ITPR3: variants seen among roughly 807,000 people sequenced by gnomAD.
ITPR3 encodes inositol 1,4,5-trisphosphate-gated calcium channel ITPR3.
In ITPR3, 173 loss-of-function variants were observed where a neutral mutation model predicts 293.2. The ratio of observed to expected loss-of-function variants is 0.59; its 90% CI spans 0.52 to 0.67. ITPR3 has a LOEUF of 0.67. ITPR3 is among the 30% of genes least tolerant of loss of function. ITPR3 has a pLI of 0.00. For synonymous variants in ITPR3, 1,295 were observed against 1,444.4 expected, an observed-to-expected ratio of 0.90 and a Z score of 2.35; for missense variants, 2,796 against 3,592.1, an observed-to-expected ratio of 0.78 and a Z score of 5.66.
At chr6:33,622,525 T>C (rs1442226021) in intron 1 of ITPR3, among the ~76,000 whole-genome samples, 1 of 152,000 alleles carries the variant, frequency 6.6e-6, no homozygotes, top group Non-Finnish European at 1.5e-5. Context: ...GTAGGTGGTT[T>C]CTCCAGCCAG....
Position 33,675,978 on chromosome 6 carries a change from T to G in ITPR3, c.3282+122T>G, listed in dbSNP as rs7747992. 8.3e-7 allele frequency: 1 copy of G among 1,205,218 alleles called. No individual in the cohort carries two copies. The highest frequency in any genetic ancestry group is 1.1e-6 in the Non-Finnish European group (1 of 890,218). The allele number at this position is 1,205,218 out of a possible 1,614,324, so 74.7% of individuals were successfully genotyped here. On this transcript the variant is annotated intron_variant, in intron 25 of 57. Transcript: ENST00000605930. This position sits in a 1 kb window ranked among gnomAD's most constrained non-coding sequence, Gnocchi z 5.0. ...AACTTGGGATGCCCATTTGGGGTTT[T>G]CAGCCTTGCTGAGTTCCTAGGTGAA...
chr6:33,627,845 G>A (rs1056070725), intron 1 of ITPR3, among the ~76,000 whole-genome samples: 1 of 152,236 alleles, frequency 6.6e-6, no homozygotes, highest in African/African-American at 2.4e-5. Flanking sequence ...GGCAGTGCGA[G>A]GATGTGATGG....
At position 33,683,276 on chromosome 6, in the gene ITPR3, C is replaced by A; in HGVS notation, c.4667C>A (p.Ala1556Asp). The part of the protein sequence containing the change: ...AHISSMLSSG[A>D]SCAAAAQRNA... Reference sequence around the variant, plus strand: ...ATCAGCTCGATGCTCAGCAGTGGAGCCAGCTGTGCAGCTGCCGCCCAGCGG... The same window carrying A: ...ATCAGCTCGATGCTCAGCAGTGGAGACAGCTGTGCAGCTGCCGCCCAGCGG... The change falls in exon 35 of 58, where the codon GCC (alanine) becomes GAC (aspartate). Residue 1556 changes from alanine (A) to aspartate (D), a missense_variant. By Grantham distance (126) the Ala-to-Asp change is moderately radical (BLOSUM62 -2). Coordinates refer to ENST00000605930, the MANE Select transcript of ITPR3 (RefSeq NM_002224.4). This position sits in a 1 kb window ranked among gnomAD's most constrained non-coding sequence, Gnocchi z 4.5. The A allele has an allele frequency of 1.9e-6, 3 of 1,573,536 alleles. No individual in the cohort carries two copies. Among genetic ancestry groups the A allele is most frequent in the Non-Finnish European group, 1.7e-6 (2 of 1,159,700 alleles).
intron 2 of ITPR3, among the ~76,000 whole-genome samples, chr6:33,647,685 TTC>T (rs1764099336): frequency 6.6e-6 from 1 of 152,220 alleles, no homozygotes; most frequent in African/African-American, 2.4e-5. Context: ...CTGTCAGAAT[TTC>T]TCTCTTTCTT....
At chr6:33,677,720 T>C in intron 28 of ITPR3, 91 bp downstream of exon 28, 1 of 1,483,348 alleles carries the variant, frequency 6.7e-7, no homozygotes, top group East Asian at 2.3e-5. Flanking sequence ...GCAGGCAACC[T>C]CTCCCAGCCT....
chr6:33,636,173 G>T (rs1763819339), intron 1 of ITPR3, among the ~76,000 whole-genome samples: 1 of 150,294 alleles, frequency 6.7e-6, no homozygotes, highest in Non-Finnish European at 1.5e-5. Flanking sequence ...ATGGTGGCAG[G>T]CACCTGTAAT....
chr6:33,670,301 C>A lies in ITPR3; in HGVS notation c.2190-24C>A. ...CCTCCCGGCTGCCATCTGCCGTGTC[C>A]TCACAGTCCTCCCTGTCCTGCAGGT... On this transcript the variant is annotated intron_variant, in intron 18 of 57. Transcript: ENST00000605930. The surrounding 1 kb of genome is among the most constrained non-coding windows in gnomAD (Gnocchi z 6.7). 1 of 1,613,368 alleles carries A rather than the reference C, an allele frequency of 6.2e-7. No homozygotes were observed. Among genetic ancestry groups the A allele is most frequent in the African/African-American group, 1.3e-5 (1 of 75,074 alleles).
rs141929573 is a variant in ITPR3, at chr6:33,662,965, C to T, written c.913C>T (p.Arg305Cys). Residue 305 changes from arginine (R) to cysteine (C), a missense_variant, in exon 9 of 58, where the codon CGC becomes TGC. Physicochemically the swap from Arg to Cys is radical, Grantham distance 180. Around this residue, in one of 8 missense-constraint regions of ITPR3, gnomAD observed 955 missense variants for 1,180.8 expected, o/e 0.81. Coordinates refer to ENST00000605930, the MANE Select transcript of ITPR3 (RefSeq NM_002224.4). Reference protein sequence around the residue: ...GGAGHWNGLYRFKHLATGNYL... With the variant: ...GGAGHWNGLYCFKHLATGNYL... ...AGCTGGGCACTGGAATGGCTTGTACCGCTTCAAGCACCTGGCTACAGGCAA... is the reference window on the plus strand; with the variant it reads ...AGCTGGGCACTGGAATGGCTTGTACTGCTTCAAGCACCTGGCTACAGGCAA... 71 of 1,604,544 alleles carry T rather than the reference C, an allele frequency of 4.4e-5. No individual in the cohort carries two copies. Among genetic ancestry groups the T allele is most frequent in the African/African-American group, 2.7e-5 (2 of 74,778 alleles).
In ITPR3 at chr6:33,657,922, G is replaced by C; in HGVS notation, c.283-10G>C. On this transcript the variant is annotated splice_polypyrimidine_tract_variant and intron_variant, in intron 3 of 57. Transcript: ENST00000605930. ...GAGCCCACCCTTCACTTCTGTGTGT[G>C]TCTGTGCAGCATGCGGCGCAGATGG... 1 of 1,612,640 alleles carries C rather than the reference G, an allele frequency of 6.2e-7. No homozygotes were observed. Among genetic ancestry groups the C allele is most frequent in the Non-Finnish European group, 8.5e-7 (1 of 1,178,998 alleles).
intron 56 of ITPR3, 170 bp from the exon 57 acceptor site, chr6:33,694,754 A>T: frequency 3.9e-6 from 3 of 772,108 alleles, no homozygotes; most frequent in Non-Finnish European, 6.2e-6. Context: ...CTGCCAGCTC[A>T]CTCTGGCCCC....
Position 33,664,749 on chromosome 6 carries a change from C to G in ITPR3, c.1149-121C>G. 1.2e-6 allele frequency: 1 copy of G among 800,762 alleles called. No homozygotes were observed. Among genetic ancestry groups the G allele is most frequent in the South Asian group, 1.6e-5 (1 of 62,480 alleles). The allele number at this position is 800,762 out of a possible 1,614,324, so 49.6% of individuals were successfully genotyped here. On this transcript the variant is annotated intron_variant, in intron 11 of 57. Coordinates refer to ENST00000605930, the MANE Select transcript of ITPR3 (RefSeq NM_002224.4). The surrounding 1 kb of genome is among the most constrained non-coding windows in gnomAD (Gnocchi z 4.4). ...AGGGGCACCAGTGGCTCCTGTCCCA[C>G]AGCTGTTGAGGGTGTGGAGTAGGGT...
At position 33,682,445 on chromosome 6, in the gene ITPR3, T is replaced by C. The variant is rs765217527; in HGVS notation, c.4477-79T>C. The C allele has an allele frequency of 1.6e-4, 224 of 1,436,586 alleles. No individual in the cohort carries two copies. Among genetic ancestry groups the C allele is most frequent in the Non-Finnish European group, 1.9e-4 (212 of 1,089,520 alleles). 89.0% of individuals were successfully genotyped at this position (1,436,586 alleles called of 1,614,324 possible). On this transcript the variant is annotated intron_variant, in intron 33 of 57. Transcript: ENST00000605930. The surrounding 1 kb of genome is among the most constrained non-coding windows in gnomAD (Gnocchi z 5.4). ...GTCTCTCCACCCATGCCCATTCTGA[T>C]TGGGCCCTGGTTCCTGGACCTGGGG...
chr6:33,680,323 G>A lies in ITPR3; in HGVS notation c.4225-6G>A. 1.9e-6 allele frequency: 3 copies of A among 1,612,248 alleles called. No homozygotes were observed. Among genetic ancestry groups the A allele is most frequent in the Middle Eastern group, 1.7e-4 (1 of 6,060 alleles). On this transcript the variant is annotated splice_region_variant and splice_polypyrimidine_tract_variant and intron_variant, in intron 31 of 57. Transcript: ENST00000605930. ...TTGCGCCCCTGACCTCCCGCCCACT[G>A]CCCAGGTGAAAATGGCCTATGTGAA...
chr6:33,626,349 A>T (rs1368028831), intron 1 of ITPR3, among the ~76,000 whole-genome samples: 1 of 152,142 alleles, frequency 6.6e-6, no homozygotes, highest in Non-Finnish European at 1.5e-5. Context: ...TTAAAAAAAA[A>T]ATTTCAGCTC....
chr6:33,685,732 G>A lies in ITPR3; in HGVS notation c.5572G>A (p.Val1858Met). 6.2e-7 allele frequency: 1 copy of A among 1,609,222 alleles called. No homozygotes were observed. The highest frequency in any genetic ancestry group is 8.5e-7 in the Non-Finnish European group (1 of 1,176,872). Residue 1858 changes from valine (V) to methionine (M), a missense_variant, in exon 41 of 58, where the codon GTG becomes ATG. Transcript: ENST00000605930. The part of the protein sequence containing the change: ...LRRGHEVSER[V>M]QSSEMGTSVL... The stretch of plus-strand genomic sequence containing the variant: ...CCGGGGGCACGAGGTGAGCGAACGT[G>A]TGCAGAGCAGTGAGATGGGCACATC...
In ITPR3 at chr6:33,655,859, C is replaced by CT; in HGVS notation, c.255dup (p.Asp86Ter). ...ACTAAGCAGGACAAGGAGAAGATCG[C>CT]TGATGTGGTGTTGCTGCAGAAGCTG... On this transcript the variant is annotated frameshift_variant, in exon 3 of 58. Coordinates refer to ENST00000605930, the MANE Select transcript of ITPR3 (RefSeq NM_002224.4). LOFTEE classifies it high-confidence loss of function. The surrounding 1 kb of genome is among the most constrained non-coding windows in gnomAD (Gnocchi z 4.9). 6.2e-7 allele frequency: 1 copy of CT among 1,614,062 alleles called. No individual in the cohort carries two copies. The highest frequency in any genetic ancestry group is 1.3e-5 in the African/African-American group (1 of 75,014).
In ITPR3 at chr6:33,658,635, C is replaced by T. The variant is rs369008901; in HGVS notation, c.370-35C>T. The stretch of plus-strand genomic sequence containing the variant: ...CTCCCTAATGGGCCGACTCCTGTGG[C>T]GCGGTGACCTTCCCGCACCCCACCT... On this transcript the variant is annotated intron_variant, in intron 4 of 57. Coordinates refer to ENST00000605930, the MANE Select transcript of ITPR3 (RefSeq NM_002224.4). This position sits in a 1 kb window ranked among gnomAD's most constrained non-coding sequence, Gnocchi z 6.1. 44 of 1,608,738 alleles carry T rather than the reference C, an allele frequency of 2.7e-5. No homozygotes were observed. In the African/African-American group the frequency reaches 3.7e-4, roughly 14 times the overall value.
In ITPR3 at chr6:33,672,632, G is replaced by A; in HGVS notation, c.2928+404G>A. Among the ~76,000 whole-genome samples the A allele has an allele frequency of 6.6e-6, 1 of 152,182 alleles. No individual in the cohort carries two copies. Among genetic ancestry groups the A allele is most frequent in the East Asian group, 1.9e-4 (1 of 5,194 alleles). ...GCCCCACCCTAGACCTACTGAGTCA[G>A]GAACACTGGAGAGGGGCCCTGTGGG... On this transcript the variant is annotated intron_variant, in intron 22 of 57. Transcript: ENST00000605930. This position sits in a 1 kb window ranked among gnomAD's most constrained non-coding sequence, Gnocchi z 5.0.
rs894714674 is a variant in ITPR3 at position 33,655,376 on chromosome 6, T to C, written c.161-390T>C. Among the ~76,000 whole-genome samples, 3 of 152,234 alleles carry C rather than the reference T, an allele frequency of 2.0e-5. No homozygotes were observed. The highest frequency in any genetic ancestry group is 2.0e-4 in the Admixed American group (3 of 15,284). On this transcript the variant is annotated intron_variant, in intron 2 of 57. Transcript: ENST00000605930. The surrounding 1 kb of genome is among the most constrained non-coding windows in gnomAD (Gnocchi z 4.9). ...ATTTCCCAGGCATCTGTGTGCAAGA[T>C]GGTTTCCATCAGCCAAGGCAATTAG...
Sources: allele counts gnomAD v4.1 joint callset (sites outside exome capture counted in the v4.1 genomes callset), GRCh38; gene constraint gnomAD v4.1.1; regional missense constraint gnomAD v4.1.1; non-coding constraint Gnocchi (gnomAD v3.1); transcripts MANE v1.5; gene names NCBI Gene and HGNC (gene_info 2026-07-23, HGNC 2026-07-21).